SLC24A2: variants seen among roughly 807,000 people sequenced by gnomAD.
SLC24A2 encodes the protein sodium/potassium/calcium exchanger 2.
A neutral mutation model predicts 62.0 loss-of-function variants in SLC24A2; 36 were observed. The ratio of observed to expected loss-of-function variants is 0.58; its 90% CI spans 0.44 to 0.77. SLC24A2 has a LOEUF of 0.77. Among genes scored for constraint, SLC24A2 ranks in the 30% least tolerant of loss-of-function variants. The pLI is 0.00. For missense variants in SLC24A2, 846 were observed against 817.9 expected (o/e 1.03, Z -0.42); for synonymous variants, 358 against 294.0 (o/e 1.22, Z -2.23).
chr9:20,031,872 G>A, the SLC24A2 span, among the ~76,000 whole-genome samples: 1 of 152,240 alleles, frequency 6.6e-6, no homozygotes, highest in East Asian at 1.9e-4. Context: ...ACGAGAGAAA[G>A]AAAGAAAAAG....
chr9:19,659,255 G>C (rs753798135), intron 2 of SLC24A2, among the ~76,000 whole-genome samples: 7 of 152,136 alleles, frequency 4.6e-5, no homozygotes, highest in Non-Finnish European at 1.0e-4. Context: ...AAGCTAAGAA[G>C]AGGTGAGGAA....
the SLC24A2 span, among the ~76,000 whole-genome samples, chr9:20,297,472 T>C: frequency 6.6e-5 from 10 of 152,290 alleles, no homozygotes; most frequent in Non-Finnish European, 1.3e-4. Flanking sequence ...GAATATAAAC[T>C]GGCCCTGAAG....
chr9:19,898,083 G>C, the SLC24A2 span, among the ~76,000 whole-genome samples: 1 of 152,170 alleles, frequency 6.6e-6, no homozygotes, highest in Admixed American at 6.5e-5. Flanking sequence ...GGGAATCAGA[G>C]GGTCATAGAA....
chr9:20,299,819 C>A, the SLC24A2 span, among the ~76,000 whole-genome samples: 1 of 152,344 alleles, frequency 6.6e-6, no homozygotes, highest in East Asian at 1.9e-4. Context: ...GTGGCAGAGC[C>A]AGGATCCAAA....
chr9:19,534,992 C>T (rs1425847014), intron 8 of SLC24A2, among the ~76,000 whole-genome samples: 1 of 152,174 alleles, frequency 6.6e-6, no homozygotes, highest in East Asian at 1.9e-4. Flanking sequence ...AAAAGTGTTC[C>T]TATTTCACCA....
At chr9:19,591,768 G>A (rs78426576) in intron 5 of SLC24A2, among the ~76,000 whole-genome samples, 5 of 152,274 alleles carry the variant, frequency 3.3e-5, no homozygotes, top group East Asian at 3.9e-4. Flanking sequence ...GCCATGTCTT[G>A]TCTGCTACTC....
At chr9:19,666,648 A>G (rs1475531840) in intron 2 of SLC24A2, among the ~76,000 whole-genome samples, 3 of 152,204 alleles carry the variant, frequency 2.0e-5, no homozygotes, top group Non-Finnish European at 2.9e-5. Context: ...TTTATTTCCA[A>G]TAACTCATGG....
At chr9:19,636,985 T>C (rs1818375487) in intron 2 of SLC24A2, among the ~76,000 whole-genome samples, 1 of 152,214 alleles carries the variant, frequency 6.6e-6, no homozygotes, top group Admixed American at 6.5e-5. Flanking sequence ...TGGAATGTTA[T>C]TTGGAAAAAC....
chr9:19,894,751 T>A, the SLC24A2 span, among the ~76,000 whole-genome samples: 1 of 152,336 alleles, frequency 6.6e-6, no homozygotes, highest in South Asian at 2.1e-4. Flanking sequence ...ACAAGTTCTC[T>A]CATCCCTTAC....
At chr9:19,944,499 T>C in the SLC24A2 span, among the ~76,000 whole-genome samples, 36 of 150,662 alleles carry the variant, frequency 2.4e-4, no homozygotes, top group African/African-American at 8.5e-4. Flanking sequence ...ATTTGACTTA[T>C]CAAAACAAGT....
At chr9:19,657,523 C>T (rs1021145089) in intron 2 of SLC24A2, among the ~76,000 whole-genome samples, 1 of 151,764 alleles carries the variant, frequency 6.6e-6, no homozygotes, top group East Asian at 1.9e-4. Flanking sequence ...GGTATTTGTC[C>T]TAATGCGCTC....
At chr9:19,865,954 C>T in the SLC24A2 span, among the ~76,000 whole-genome samples, 1 of 152,078 alleles carries the variant, frequency 6.6e-6, no homozygotes, top group Admixed American at 6.5e-5. Context: ...AGCCATCTGA[C>T]AAGGGAATAA....
intron 10 of SLC24A2, among the ~76,000 whole-genome samples, chr9:19,519,328 ATT>A (rs10709456): frequency 4.0e-5 from 6 of 149,996 alleles, no homozygotes; most frequent in Non-Finnish European, 8.9e-5. Context: ...ATTAGGAGTG[ATT>A]TTTTTTCTTT....
At chr9:20,179,062 G>C in the SLC24A2 span, among the ~76,000 whole-genome samples, 1 of 152,132 alleles carries the variant, frequency 6.6e-6, no homozygotes, top group South Asian at 2.1e-4. Context: ...TAGGTAAAGA[G>C]AATTACTGTG....
chr9:20,186,009 A>G, the SLC24A2 span, among the ~76,000 whole-genome samples: 1 of 152,094 alleles, frequency 6.6e-6, no homozygotes, highest in Admixed American at 6.5e-5. Flanking sequence ...GCTTACACCA[A>G]GTGGTCAATT....
At chr9:19,962,504 G>A in the SLC24A2 span, among the ~76,000 whole-genome samples, 1 of 152,160 alleles carries the variant, frequency 6.6e-6, no homozygotes, top group East Asian at 1.9e-4. Flanking sequence ...AGCATGGAAT[G>A]TTCTTCCATT....
chr9:20,299,031 C>T, the SLC24A2 span, among the ~76,000 whole-genome samples: 13 of 152,196 alleles, frequency 8.5e-5, no homozygotes, highest in Middle Eastern at 3.4e-3. Context: ...TACAACAGTC[C>T]CATAGAGTCA....
chr9:20,274,818 A>C, the SLC24A2 span, among the ~76,000 whole-genome samples: 2 of 151,302 alleles, frequency 1.3e-5, no homozygotes, highest in Admixed American at 1.3e-4. Flanking sequence ...CCCTTGTCAG[A>C]CCCCTCTCTG....
At chr9:20,230,281 T>C in the SLC24A2 span, among the ~76,000 whole-genome samples, 2 of 152,198 alleles carry the variant, frequency 1.3e-5, no homozygotes, top group Admixed American at 6.5e-5. Flanking sequence ...ATGGTATTTC[T>C]AGTTCTAGAT....
Sources: gnomAD v4.1 joint callset for allele counts (sites outside exome capture counted in the v4.1 genomes callset) on GRCh38, gnomAD v4.1.1 for gene constraint, MANE v1.5 for transcripts, NCBI Gene and HGNC (gene_info 2026-07-23, HGNC 2026-07-21) for gene names.